Variants in KSR2 observed in about 807,000 individuals in gnomAD.
KSR2 encodes kinase suppressor of ras 2.
KSR2 carries 25 observed loss-of-function variants against 107.8 expected under a neutral mutation model. The ratio of observed to expected loss-of-function variants is 0.23; its 90% CI spans 0.17 to 0.32. KSR2 has a LOEUF of 0.32. Among genes scored for constraint, KSR2 ranks in the 10% least tolerant of loss-of-function variants. KSR2 has a pLI of 1.00. For synonymous variants in KSR2, 480 were observed against 507.0 expected (o/e 0.95, Z 0.71); for missense variants, 887 against 1,268.9 (o/e 0.70, Z 4.57).
At chr12:117,684,189 C>T (rs1408459310) in intron 4 of KSR2, among the ~76,000 whole-genome samples, 1 of 152,168 alleles carries the variant, frequency 6.6e-6, no homozygotes, top group Non-Finnish European at 1.5e-5. Context: ...TGACCCACCC[C>T]TCCTGGTATG....
intron 1 of KSR2, among the ~76,000 whole-genome samples, chr12:117,904,313 G>A (rs893748484): frequency 2.0e-5 from 3 of 152,070 alleles, no homozygotes; most frequent in Admixed American, 6.6e-5. Context: ...ATCTAAACTC[G>A]TTGAATGAGT....
chr12:117,731,406 G>A (rs1372631694), intron 4 of KSR2, among the ~76,000 whole-genome samples: 3 of 138,344 alleles, frequency 2.2e-5, no homozygotes, highest in Admixed American at 7.0e-5. Flanking sequence ...CGCCCCGTCC[G>A]GGAGGGAGGT....
At chr12:117,749,527 A>G (rs1888539044) in intron 4 of KSR2, among the ~76,000 whole-genome samples, 1 of 152,150 alleles carries the variant, frequency 6.6e-6, no homozygotes, top group Admixed American at 6.5e-5. Flanking sequence ...CCTGTAAATA[A>G]TAAGGGACTG....
chr12:117,571,929 C>T (rs16947739), intron 7 of KSR2, among the ~76,000 whole-genome samples: 3 of 151,928 alleles, frequency 2.0e-5, no homozygotes, highest in South Asian at 2.1e-4. Flanking sequence ...AGTCCAAGAT[C>T]GCTTTTCTAG....
At chr12:117,591,127 C>A (rs1880287324) in intron 5 of KSR2, among the ~76,000 whole-genome samples, 1 of 152,092 alleles carries the variant, frequency 6.6e-6, no homozygotes, top group African/African-American at 2.4e-5. Flanking sequence ...AGATGATAGC[C>A]CAAGACTGTG....
In KSR2 at chr12:117,814,388, T is replaced by C. The variant is rs556670081; in HGVS notation, c.472+41040A>G. Among the ~76,000 whole-genome samples, 25 of 152,102 alleles carry C rather than the reference T, an allele frequency of 1.6e-4. No homozygotes were observed. The South Asian group carries it at 5.0e-3, about 30-fold the overall frequency. On this transcript the variant is annotated intron_variant, in intron 3 of 19. Transcript: ENST00000339824. The stretch of plus-strand genomic sequence containing the variant: ...AATATCTACAATTATTATATGTCAA[T>C]TAAAAATAAATAAATAAGAGCCTGG...
intron 5 of KSR2, among the ~76,000 whole-genome samples, chr12:117,589,404 T>C (rs1388126570): frequency 5.3e-5 from 8 of 152,202 alleles, no homozygotes; most frequent in Admixed American, 5.2e-4. Flanking sequence ...CATAATTCCC[T>C]TTTAGGTGCT....
At chr12:117,741,773 G>A (rs7313113) in intron 4 of KSR2, among the ~76,000 whole-genome samples, 35,280 of 152,106 alleles carry the variant, frequency 0.23, 5,100 homozygotes, top group African/African-American at 0.4. Flanking sequence ...GAACTAACTA[G>A]TAAATGTGGA....
At position 117,907,415 on chromosome 12, in the gene KSR2, C is replaced by T. The variant is rs561431524; in HGVS notation, c.181-46984G>A. 5.3e-4 allele frequency among the ~76,000 whole-genome samples: 81 copies of T among 152,248 alleles called. No homozygotes were observed. Among genetic ancestry groups the T allele is most frequent in the African/African-American group, 1.9e-3 (80 of 41,538 alleles). ...GTGTGCTGGGTCTGCGTGCTCAAGA[C>T]GACGCTCAGCAGGTATCTCAGGTGA... On this transcript the variant is annotated intron_variant, in intron 1 of 19. Coordinates refer to ENST00000339824, the MANE Select transcript of KSR2 (RefSeq NM_173598.6). This position sits in a 1 kb window ranked among gnomAD's most constrained non-coding sequence, Gnocchi z 4.3.
At chr12:117,830,133 T>C (rs969195596) in intron 3 of KSR2, among the ~76,000 whole-genome samples, 4 of 152,082 alleles carry the variant, frequency 2.6e-5, no homozygotes, top group Non-Finnish European at 5.9e-5. Flanking sequence ...CCAGGCATGG[T>C]GGTGCATGCC....
chr12:117,862,727 C>A lies in KSR2; in HGVS notation c.181-2296G>T, dbSNP rs55656915. ...TTTGCTATCTGGTCTCCATTCCCCC[C>A]CTTTTTTTTTTTTTTTTTTTGAGAC... is the stretch of plus-strand genomic sequence containing the variant. On this transcript the variant is annotated intron_variant, in intron 1 of 19. Coordinates refer to ENST00000339824, the MANE Select transcript of KSR2 (RefSeq NM_173598.6). Among the ~76,000 whole-genome samples, 103 of 144,438 alleles carry A rather than the reference C, an allele frequency of 7.1e-4. 1 individual carries two copies. The highest frequency in any genetic ancestry group is 6.9e-3 in the Middle Eastern group (2 of 288). The allele number at this position is 144,438 out of a possible 152,430, so 94.8% of individuals were successfully genotyped here.
At chr12:117,910,253 A>T (rs776854847) in intron 1 of KSR2, among the ~76,000 whole-genome samples, 1 of 152,152 alleles carries the variant, frequency 6.6e-6, no homozygotes, top group Non-Finnish European at 1.5e-5. Flanking sequence ...GAAAAAAAAG[A>T]GTATGCCAAG....
At chr12:117,500,986 G>A (rs1950245592) in intron 14 of KSR2, among the ~76,000 whole-genome samples, 1 of 152,260 alleles carries the variant, frequency 6.6e-6, no homozygotes, top group Admixed American at 6.5e-5. Flanking sequence ...TGCAGATACT[G>A]AGGCTTGGTA....
chr12:117,835,423 A>G (rs930189427), intron 3 of KSR2, among the ~76,000 whole-genome samples: 1 of 152,188 alleles, frequency 6.6e-6, no homozygotes, highest in Non-Finnish European at 1.5e-5. Flanking sequence ...GGGCATGATA[A>G]GCCAAACCCC....
intron 4 of KSR2, among the ~76,000 whole-genome samples, chr12:117,682,647 G>A (rs985316045): frequency 5.9e-5 from 9 of 152,166 alleles, no homozygotes; most frequent in East Asian, 3.9e-4. Context: ...TCAAACTCCC[G>A]ACCTCGGCTG....
intron 12 of KSR2, among the ~76,000 whole-genome samples, chr12:117,527,647 G>T (rs1875297357): frequency 6.6e-6 from 1 of 152,150 alleles, no homozygotes; most frequent in Non-Finnish European, 1.5e-5. Context: ...TGTGTGCCAG[G>T]AACAGTGTTA....
chr12:117,488,723 G>A (rs1459128178), intron 14 of KSR2, among the ~76,000 whole-genome samples: 1 of 147,642 alleles, frequency 6.8e-6, no homozygotes, highest in Non-Finnish European at 1.5e-5. Flanking sequence ...TTGAGATAGA[G>A]TCTCGCTCTG....
chr12:117,576,027 C>G (rs1384444408), intron 7 of KSR2, among the ~76,000 whole-genome samples: 1 of 152,172 alleles, frequency 6.6e-6, no homozygotes, highest in East Asian at 1.9e-4. Flanking sequence ...ACCCCCCCAC[C>G]CTATCCCTAT....
chr12:117,557,779 A>G (rs10444498), intron 8 of KSR2, among the ~76,000 whole-genome samples: 17,766 of 152,228 alleles, frequency 0.12, 1,183 homozygotes, highest in Middle Eastern at 0.17. Context: ...TCCCTCGGAG[A>G]TAAATTTCAA....
Sources: gnomAD v4.1 joint callset for allele counts (sites outside exome capture counted in the v4.1 genomes callset) on GRCh38, gnomAD v4.1.1 for gene constraint, Gnocchi (gnomAD v3.1) non-coding constraint, MANE v1.5 for transcripts, NCBI Gene and HGNC (gene_info 2026-07-23, HGNC 2026-07-21) for gene names.